The following LRRTM4 variants were observed in gnomAD, a reference collection of about 807,000 sequenced individuals.
The protein encoded by LRRTM4 is leucine-rich repeat transmembrane neuronal protein 4.
Under a neutral mutation model 47.6 loss-of-function variants are expected in LRRTM4, and 25 were observed. The ratio of observed to expected loss-of-function variants is 0.53; its 90% confidence interval spans 0.38 to 0.73. The LOEUF (loss-of-function observed/expected upper bound fraction) is 0.73. Ranked by LOEUF, LRRTM4 falls within the 30% of genes least tolerant of loss-of-function variation. The pLI, the probability that LRRTM4 is intolerant of heterozygous loss-of-function variation, is 0.00. For missense variants in LRRTM4, 638 were observed against 713.4 expected, an observed-to-expected ratio of 0.89 and a Z score of 1.20; for synonymous variants, 311 against 269.5, an observed-to-expected ratio of 1.15 and a Z score of -1.51.
At position 76,793,821 on chromosome 2, in the gene LRRTM4, G is replaced by GAAAC. The variant is rs1250185411; in HGVS notation, c.1552-44909_1552-44906dup. On this transcript the variant is annotated intron_variant, in intron 3 of 3. Coordinates refer to ENST00000409884, the MANE Select transcript of LRRTM4 (RefSeq NM_001134745.3). ...TTTCAGATAAAACTCAGACCTCTGA[G>GAAAC]AAACAAACACCTGTGTTGCTGTAAG... Among the ~76,000 whole-genome samples the GAAAC allele has an allele frequency of 3.3e-5, 5 of 152,124 alleles. No homozygotes were observed. The East Asian group carries it at 5.8e-4, about 18-fold the overall frequency.
chr2:77,068,604 C>T (rs567055536), intron 3 of LRRTM4, among the ~76,000 whole-genome samples: 4 of 152,274 alleles, frequency 2.6e-5, no homozygotes, highest in East Asian at 3.9e-4. Flanking sequence ...ATGTTTTCAA[C>T]GTTCTTCTAT....
intron 3 of LRRTM4, among the ~76,000 whole-genome samples, chr2:77,277,647 G>C (rs1676398274): frequency 6.6e-6 from 1 of 151,954 alleles, no homozygotes; most frequent in Non-Finnish European, 1.5e-5. Flanking sequence ...ATAGAGCTTA[G>C]TGCACTCTTA....
chr2:77,494,959 T>C lies in LRRTM4; in HGVS notation c.1551+23359A>G, dbSNP rs560767149. Among the ~76,000 whole-genome samples the C allele has an allele frequency of 9.1e-4, 138 of 152,282 alleles. 1 individual carries two copies. The highest frequency in any genetic ancestry group is 3.3e-3 in the African/African-American group (136 of 41,576). ...CAACGTAAATACTTTGAGATTCATC[T>C]ATGTTGTGATATCAACAGTGTGTTT... On this transcript the variant is annotated intron_variant, in intron 3 of 3. Coordinates refer to ENST00000409884, the MANE Select transcript of LRRTM4 (RefSeq NM_001134745.3).
chr2:76,860,001 A>G (rs1672264536), intron 3 of LRRTM4, among the ~76,000 whole-genome samples: 1 of 152,302 alleles, frequency 6.6e-6, no homozygotes. Context: ...TCTTTTCATT[A>G]TGGGATATCA....
chr2:77,105,530 G>C (rs924548606), intron 3 of LRRTM4, among the ~76,000 whole-genome samples: 1 of 122,932 alleles, frequency 8.1e-6, no homozygotes, highest in Non-Finnish European at 1.7e-5. Context: ...GAGGGGGGAG[G>C]GATAGCATTT....
At chr2:77,296,469 C>T (rs1314556712) in intron 3 of LRRTM4, among the ~76,000 whole-genome samples, 1 of 151,862 alleles carries the variant, frequency 6.6e-6, no homozygotes, top group East Asian at 1.9e-4. Flanking sequence ...TTTGGTATGC[C>T]TGTTAATTTT....
chr2:77,391,356 A>G (rs970121838), intron 3 of LRRTM4, among the ~76,000 whole-genome samples: 1 of 152,030 alleles, frequency 6.6e-6, no homozygotes. Flanking sequence ...GGTGAGCAGG[A>G]CAAGGTGCTT....
At chr2:77,350,934 T>G (rs1671744370) in intron 3 of LRRTM4, among the ~76,000 whole-genome samples, 1 of 152,116 alleles carries the variant, frequency 6.6e-6, no homozygotes, top group African/African-American at 2.4e-5. Flanking sequence ...TAACTTGCAT[T>G]TTAAGTTTAG....
At chr2:76,979,905 T>G (rs1439121129) in intron 3 of LRRTM4, among the ~76,000 whole-genome samples, 1 of 151,928 alleles carries the variant, frequency 6.6e-6, no homozygotes, top group Non-Finnish European at 1.5e-5. Context: ...CCCCTTCTTC[T>G]GGAAATAAAC....
intron 3 of LRRTM4, among the ~76,000 whole-genome samples, chr2:77,064,803 A>C (rs1453290169): frequency 6.6e-6 from 1 of 152,114 alleles, no homozygotes; most frequent in Non-Finnish European, 1.5e-5. Flanking sequence ...ACTTTTGGAT[A>C]TGCTATCTGG....
At chr2:76,887,527 AT>A (rs924773080) in intron 3 of LRRTM4, among the ~76,000 whole-genome samples, 13 of 150,330 alleles carry the variant, frequency 8.6e-5, no homozygotes, top group Admixed American at 2.0e-4. Context: ...CATATATGTG[AT>A]TTTTTATCTC....
intron 3 of LRRTM4, among the ~76,000 whole-genome samples, chr2:77,333,491 T>C (rs1222095406): frequency 6.6e-6 from 1 of 152,186 alleles, no homozygotes; most frequent in Non-Finnish European, 1.5e-5. Context: ...TTTGTTATGT[T>C]TTAGCAAAGA....
chr2:77,010,975 C>G (rs1240770406), intron 3 of LRRTM4, among the ~76,000 whole-genome samples: 1 of 151,932 alleles, frequency 6.6e-6, no homozygotes, highest in Non-Finnish European at 1.5e-5. Flanking sequence ...GGGACTTTCT[C>G]TAACATTATT....
At chr2:77,063,263 T>A (rs935226938) in intron 3 of LRRTM4, among the ~76,000 whole-genome samples, 4 of 152,174 alleles carry the variant, frequency 2.6e-5, no homozygotes, top group Non-Finnish European at 5.9e-5. Context: ...CGGCCTCCCC[T>A]TGTTCTTTTT....
At chr2:77,266,593 A>G (rs560696732) in intron 3 of LRRTM4, among the ~76,000 whole-genome samples, 50 of 152,268 alleles carry the variant, frequency 3.3e-4, no homozygotes, top group African/African-American at 1.2e-3. Context: ...AAAGGTCTAC[A>G]GAGGGGATTC....
intron 3 of LRRTM4, among the ~76,000 whole-genome samples, chr2:76,767,574 C>G (rs1673505909): frequency 6.6e-6 from 1 of 152,132 alleles, no homozygotes; most frequent in African/African-American, 2.4e-5. Flanking sequence ...ATATCTAAAG[C>G]TACAGTTGGC....
intron 3 of LRRTM4, among the ~76,000 whole-genome samples, chr2:76,898,472 G>C (rs928636093): frequency 6.9e-6 from 1 of 144,564 alleles, no homozygotes; most frequent in Non-Finnish European, 1.5e-5. Context: ...AGAATCGCTT[G>C]AACCCAGGAG....
chr2:76,830,515 C>CGTGT (rs57566911), intron 3 of LRRTM4, among the ~76,000 whole-genome samples: 12,421 of 144,012 alleles, frequency 0.086, 577 homozygotes, highest in Middle Eastern at 0.13. Flanking sequence ...GCAGTGTGTG[C>CGTGT]GTGTGTGTGT....
intron 3 of LRRTM4, among the ~76,000 whole-genome samples, chr2:76,879,033 C>T (rs115563941): frequency 0.015 from 2,213 of 152,196 alleles, 24 homozygotes; most frequent in Non-Finnish European, 0.024. Flanking sequence ...AAATAAAGTT[C>T]GAAGCTAGCA....
Sources: allele counts gnomAD v4.1 joint callset (sites outside exome capture counted in the v4.1 genomes callset), GRCh38; gene constraint gnomAD v4.1.1; transcripts MANE v1.5; gene names NCBI Gene and HGNC (gene_info 2026-07-23, HGNC 2026-07-21).